The following TMEM131 variants were observed in gnomAD, a reference collection of about 807,000 sequenced individuals.
TMEM131 encodes the protein 2610524E03Rik.
In TMEM131, 66 loss-of-function variants were observed where a neutral mutation model predicts 211.6. The observed-to-expected ratio is 0.31, with a 90% confidence interval of 0.26 to 0.38. TMEM131 has a LOEUF of 0.38. Among genes scored for constraint, TMEM131 ranks in the 10% least tolerant of loss-of-function variants. The pLI, the probability that TMEM131 is intolerant of heterozygous loss-of-function variation, is 1.00. For missense variants in TMEM131, 2,036 were observed against 2,299.3 expected, an observed-to-expected ratio of 0.89 and a Z score of 2.34; for synonymous variants, 844 against 841.3, an observed-to-expected ratio of 1.00 and a Z score of -0.06.
intron 19 of TMEM131, among the ~76,000 whole-genome samples, chr2:97,805,980 T>TA (rs1416245768): frequency 2.0e-5 from 3 of 152,360 alleles, no homozygotes; most frequent in Admixed American, 6.5e-5. Context: ...ACTTTCATGT[T>TA]AAGATACTGA....
At chr2:97,888,296 G>A (rs1016047176) in intron 3 of TMEM131, among the ~76,000 whole-genome samples, 176 bp from the exon 4 acceptor site, 8 of 152,140 alleles carry the variant, frequency 5.3e-5, no homozygotes, top group Admixed American at 1.3e-4. Context: ...TAAAGATTGC[G>A]TTTTAGAAAA....
intron 1 of TMEM131, among the ~76,000 whole-genome samples, chr2:97,955,266 T>C (rs1441845964): frequency 6.6e-6 from 1 of 152,042 alleles, no homozygotes; most frequent in Non-Finnish European, 1.5e-5. Flanking sequence ...TTTGACAAAA[T>C]CCAACATCTC....
At chr2:97,930,976 C>A (rs1254130507) in intron 1 of TMEM131, among the ~76,000 whole-genome samples, 4 of 151,800 alleles carry the variant, frequency 2.6e-5, no homozygotes, top group Non-Finnish European at 4.4e-5. Flanking sequence ...GAAATACACA[C>A]AGAGAGATAT....
chr2:97,803,505 T>C (rs1681137708), intron 22 of TMEM131, among the ~76,000 whole-genome samples: 1 of 152,182 alleles, frequency 6.6e-6, no homozygotes, highest in South Asian at 2.1e-4. Flanking sequence ...AGACACAATA[T>C]TATAAATGGA....
chr2:97,882,515 A>C (rs1674977098), intron 4 of TMEM131, among the ~76,000 whole-genome samples: 1 of 152,208 alleles, frequency 6.6e-6, no homozygotes, highest in Admixed American at 6.5e-5. Context: ...AAGAGGCTTC[A>C]AACAGCAGCT....
In TMEM131 at chr2:97,815,269, T is replaced by C. The variant is rs761935093; in HGVS notation, c.1222A>G (p.Ile408Val). The part of the protein sequence containing the change: ...AKKPSQFSGK[I>V]TVKAKEKSYS... ...CTCTTTTCCTTTGCTTTAACTGTTA[T>C]TTTCCCAGAAAACTGAGATGGCTTT... Residue 408 changes from isoleucine (I) to valine (V), a missense_variant, in exon 13 of 41, where the codon ATA becomes GTA. By Grantham distance (29) the Ile-to-Val change is conservative. This residue lies in a region of TMEM131 where 1,623 missense variants were observed against 1,805.9 expected (regional missense o/e 0.90). Coordinates refer to ENST00000186436, the MANE Select transcript of TMEM131 (RefSeq NM_015348.2). 3.8e-6 allele frequency: 6 copies of C among 1,575,366 alleles called. No individual in the cohort carries two copies. In the African/African-American group the frequency reaches 6.9e-5, roughly 18 times the overall value.
At chr2:97,929,415 T>C (rs1206493465) in intron 1 of TMEM131, among the ~76,000 whole-genome samples, 1 of 151,806 alleles carries the variant, frequency 6.6e-6, no homozygotes, top group East Asian at 1.9e-4. Flanking sequence ...GATATTTCAT[T>C]TGGCTTAATA....
chr2:97,802,434 A>G lies in TMEM131; in HGVS notation c.2645T>C (p.Val882Ala). ...GATCCCAAGCAATACTTACCTTGAT[A>G]CTAACTTATCTACAAACACTGAAGG... Reference protein sequence around the residue: ...SNPSVFVDKLVSRFNLSKVAK... With the variant: ...SNPSVFVDKLASRFNLSKVAK... Residue 882 changes from valine to alanine, a missense_variant, in exon 24 of 41, where the codon GTA (valine) becomes GCA (alanine). This residue lies in a region of TMEM131 where 1,623 missense variants were observed against 1,805.9 expected (regional missense o/e 0.90). Transcript: ENST00000186436. The G allele has an allele frequency of 6.2e-7, 1 of 1,600,414 alleles. No individual in the cohort carries two copies. Among genetic ancestry groups the G allele is most frequent in the Non-Finnish European group, 8.5e-7 (1 of 1,173,332 alleles).
At chr2:97,764,566 A>C (rs921246660) in intron 35 of TMEM131, 1 of 152,502 alleles carries the variant, frequency 6.6e-6, no homozygotes, top group South Asian at 2.1e-4. Flanking sequence ...CTCTTCCCCC[A>C]GTGCCCACCG....
intron 1 of TMEM131, among the ~76,000 whole-genome samples, chr2:97,957,783 G>A (rs979831880): frequency 3.3e-5 from 5 of 152,096 alleles, no homozygotes; most frequent in African/African-American, 4.8e-5. Flanking sequence ...TTCAAAACTA[G>A]GCCTCTGAAA....
At chr2:97,873,438 C>G (rs538115537) in intron 4 of TMEM131, among the ~76,000 whole-genome samples, 1 of 152,208 alleles carries the variant, frequency 6.6e-6, no homozygotes, top group Non-Finnish European at 1.5e-5. Flanking sequence ...CCCTGACCGC[C>G]GTGTATCCTC....
chr2:97,837,210 G>C, intron 7 of TMEM131, 53 bp from the exon 8 acceptor site: 1 of 1,339,600 alleles, frequency 7.5e-7, no homozygotes, highest in East Asian at 2.4e-5. Context: ...TCTCAAAGCA[G>C]GTGACTTGCT....
At chr2:97,827,775 T>C (rs543512748) in intron 11 of TMEM131, among the ~76,000 whole-genome samples, 1 of 152,202 alleles carries the variant, frequency 6.6e-6, no homozygotes, top group African/African-American at 2.4e-5. Flanking sequence ...CAGAAAATAG[T>C]GTGGGATATT....
At position 97,757,222 on chromosome 2, in the gene TMEM131, G is replaced by C. The variant is rs1678538203; in HGVS notation, c.5529C>G (p.Pro1843=). 6.2e-7 allele frequency: 1 copy of C among 1,614,036 alleles called. No homozygotes were observed. The highest frequency in any genetic ancestry group is 8.5e-7 in the Non-Finnish European group (1 of 1,179,896). Residue 1843 remains proline (P), a synonymous_variant, in exon 41 of 41, where the codon CCC becomes CCG. Coordinates refer to ENST00000186436, the MANE Select transcript of TMEM131 (RefSeq NM_015348.2). The part of the protein sequence containing the change: ...GTENSPAPHA[P]STSSPADDLG... ...AGTCGTCAGCTGGACTGGAGGTGGA[G>C]GGAGCGTGAGGAGCAGGGGAGTTTT...
At chr2:97,832,256 T>C (rs1682736943) in intron 11 of TMEM131, among the ~76,000 whole-genome samples, 2 of 152,230 alleles carry the variant, frequency 1.3e-5, no homozygotes, top group Admixed American at 1.3e-4. Flanking sequence ...TTCATTCACA[T>C]TCTTAGGGTT....
chr2:97,901,940 AGAG>A (rs1358212604), intron 3 of TMEM131, among the ~76,000 whole-genome samples: 1 of 152,210 alleles, frequency 6.6e-6, no homozygotes, highest in Non-Finnish European at 1.5e-5. Context: ...AGTCACTAGA[AGAG>A]AAGATTGGAA....
intron 4 of TMEM131, among the ~76,000 whole-genome samples, chr2:97,869,380 C>T (rs573871872): frequency 3.5e-4 from 53 of 152,296 alleles, no homozygotes; most frequent in African/African-American, 1.2e-3. Context: ...GATCAGAATG[C>T]TTGATCTGCA....
intron 3 of TMEM131, among the ~76,000 whole-genome samples, chr2:97,894,673 C>T (rs1675527916): frequency 6.6e-6 from 1 of 151,084 alleles, no homozygotes; most frequent in Non-Finnish European, 1.5e-5. Context: ...CATGATTTGG[C>T]TGTCTGTTAT....
At chr2:97,828,710 T>G (rs1466121911) in intron 11 of TMEM131, among the ~76,000 whole-genome samples, 1 of 152,248 alleles carries the variant, frequency 6.6e-6, no homozygotes, top group African/African-American at 2.4e-5. Context: ...GAAGAGTGTT[T>G]TTTTACACTA....
Sources: allele counts gnomAD v4.1 joint callset (sites outside exome capture counted in the v4.1 genomes callset), GRCh38; gene constraint gnomAD v4.1.1; regional missense constraint gnomAD v4.1.1; transcripts MANE v1.5; gene names NCBI Gene and HGNC (gene_info 2026-07-23, HGNC 2026-07-21).